Variants in NFIA observed in about 807,000 individuals in gnomAD.
NFIA encodes nuclear factor I A, also known as nuclear factor 1 A-type.
A neutral mutation model predicts 62.8 loss-of-function variants in NFIA; 8 were observed. That is an observed-to-expected ratio of 0.13 (90% CI 0.07 to 0.23). NFIA has a LOEUF of 0.23. Ranked by LOEUF, NFIA falls within the 10% of genes least tolerant of loss-of-function variation. NFIA has a pLI of 1.00. For synonymous variants in NFIA, 235 were observed against 238.1 expected, an observed-to-expected ratio of 0.99 and a Z score of 0.12; for missense variants, 410 against 642.1, an observed-to-expected ratio of 0.64 and a Z score of 3.91.
At chr1:61,221,154 A>C (rs1653991341) in intron 2 of NFIA, among the ~76,000 whole-genome samples, 1 of 152,198 alleles carries the variant, frequency 6.6e-6, no homozygotes, top group South Asian at 2.1e-4. Flanking sequence ...CTTCATTTAT[A>C]ATGTTGTGTT....
At chr1:61,220,162 C>G (rs1033584231) in intron 2 of NFIA, among the ~76,000 whole-genome samples, 4 of 152,112 alleles carry the variant, frequency 2.6e-5, no homozygotes, top group Non-Finnish European at 4.4e-5. Flanking sequence ...CTAGAAACCC[C>G]ACAATATTAG....
In NFIA at chr1:61,088,287, G is replaced by A. The variant is rs776408635; in HGVS notation, c.166G>A (p.Val56Met). The A allele has an allele frequency of 3.7e-6, 6 of 1,613,476 alleles. No homozygotes were observed. The highest frequency in any genetic ancestry group is 3.3e-5 in the Admixed American group (2 of 59,924). ...KRMSKEEERA[V>M]KDELLSEKPE... ...TATGTCAAAAGAAGAAGAGAGAGCCGTGAAGGATGAATTGCTAAGTGAAAA... is the reference window on the plus strand; with the variant it reads ...TATGTCAAAAGAAGAAGAGAGAGCCATGAAGGATGAATTGCTAAGTGAAAA... Residue 56 changes from valine to methionine, a missense_variant, in exon 2 of 11, where the codon GTG becomes ATG. Physicochemically the swap from Val to Met is conservative, Grantham distance 21 (BLOSUM62 1). Coordinates refer to ENST00000403491, the MANE Select transcript of NFIA (RefSeq NM_001134673.4). This position sits in a 1 kb window ranked among gnomAD's most constrained non-coding sequence, Gnocchi z 4.5.
intron 2 of NFIA, among the ~76,000 whole-genome samples, chr1:61,267,690 A>C (rs565478177): frequency 6.6e-6 from 1 of 152,202 alleles, no homozygotes; most frequent in Non-Finnish European, 1.5e-5. Context: ...TTCCAAGGGT[A>C]CATTTAGTGG....
rs566335411 is a variant in NFIA, at chr1:61,088,133, T to G, written c.28-16T>G. The stretch of plus-strand genomic sequence containing the variant: ...TTTCATTCTACTTATATTTTTCTTT[T>G]TGTTCATTTTCCTAGGATGAATTTC... On this transcript the variant is annotated splice_polypyrimidine_tract_variant and intron_variant, in intron 1 of 10. Coordinates refer to ENST00000403491, the MANE Select transcript of NFIA (RefSeq NM_001134673.4). This position sits in a 1 kb window ranked among gnomAD's most constrained non-coding sequence, Gnocchi z 4.5. 2.6e-6 allele frequency: 4 copies of G among 1,567,156 alleles called. No individual in the cohort carries two copies. In the South Asian group the frequency reaches 4.8e-5, roughly 19 times the overall value.
chr1:61,409,263 A>G (rs1195482390), intron 9 of NFIA, among the ~76,000 whole-genome samples: 1 of 152,220 alleles, frequency 6.6e-6, no homozygotes, highest in Admixed American at 6.5e-5. Flanking sequence ...TAGACAAAAC[A>G]AAATGTTCTA....
At chr1:61,268,577 A>G (rs12074126) in intron 2 of NFIA, among the ~76,000 whole-genome samples, 6 of 152,118 alleles carry the variant, frequency 3.9e-5, no homozygotes, top group African/African-American at 1.4e-4. Context: ...GACAGTTGTC[A>G]TTATCTTTGT....
intron 10 of NFIA, among the ~76,000 whole-genome samples, chr1:61,447,986 C>G (rs1207431954): frequency 6.6e-6 from 1 of 152,126 alleles, no homozygotes; most frequent in Non-Finnish European, 1.5e-5. Flanking sequence ...GTTAACACAC[C>G]CTAAGCTGCT....
chr1:61,093,714 G>A (rs2100423379), intron 2 of NFIA, among the ~76,000 whole-genome samples: 1 of 152,304 alleles, frequency 6.6e-6, no homozygotes, highest in Admixed American at 6.5e-5. Flanking sequence ...CAGGAATAGG[G>A]AGAAATAGTT....
intron 3 of NFIA, among the ~76,000 whole-genome samples, chr1:61,305,041 AAC>A (rs1224505023): frequency 6.6e-6 from 1 of 152,220 alleles, no homozygotes; most frequent in Non-Finnish European, 1.5e-5. Context: ...ACTGGTCCCT[AAC>A]CAAAATTCTT....
At chr1:61,097,166 T>C (rs928020870) in intron 2 of NFIA, among the ~76,000 whole-genome samples, 9 of 152,154 alleles carry the variant, frequency 5.9e-5, no homozygotes, top group African/African-American at 2.2e-4. Flanking sequence ...GTTAAAAAAA[T>C]AGTACTCATA....
chr1:61,319,389 A>G (rs553244420), intron 3 of NFIA, among the ~76,000 whole-genome samples: 1 of 152,274 alleles, frequency 6.6e-6, no homozygotes, highest in South Asian at 2.1e-4. Flanking sequence ...TTAAGAATAG[A>G]TGTTTCATTT....
At position 61,458,211 on chromosome 1, in the gene NFIA, G is replaced by GAAAAAAAA. The variant is rs60042926; in HGVS notation, c.*2895_*2902dup. 1 of 134,504 alleles carries GAAAAAAAA rather than the reference G, an allele frequency of 7.4e-6. No individual in the cohort carries two copies. 8.3% of individuals were successfully genotyped at this position (134,504 alleles called of 1,614,324 possible). A position where few individuals can be genotyped will look rare whatever the true frequency, so the allele number is the denominator to read the frequency against. On this transcript the variant is annotated 3_prime_UTR_variant, in exon 11 of 11. Coordinates refer to ENST00000403491, the MANE Select transcript of NFIA (RefSeq NM_001134673.4). The stretch of plus-strand genomic sequence containing the variant: ...TAAAAAATGAAAAAAAGGAAAAAAA[G>GAAAAAAAA]AAAAAAAAAAAGAAAAAATAGCAGC...
Position 61,426,547 on chromosome 1 carries a change from A to G in NFIA, c.1503A>G (p.Gln501=), listed in dbSNP as rs1207040651. Residue 501 remains glutamine (Q), a synonymous_variant, in exon 10 of 11, where the codon CAA becomes CAG. Transcript: ENST00000403491. ...ATCCAAGCTTTGTAAATATCCCTCA[A>G]CAGACACAGGTGGGCCGCTCTCATC... ...PRDPSFVNIP[Q]QTQSWYLG The G allele has an allele frequency of 1.9e-6, 3 of 1,550,754 alleles. No homozygotes were observed. The highest frequency in any genetic ancestry group is 1.4e-5 in the African/African-American group (1 of 72,906).
At chr1:61,432,271 C>T (rs1431888787) in intron 10 of NFIA, among the ~76,000 whole-genome samples, 2 of 150,872 alleles carry the variant, frequency 1.3e-5, no homozygotes, top group African/African-American at 4.9e-5. Context: ...CTAACCCATC[C>T]CAATAAGAGA....
At chr1:61,334,962 C>T (rs1661522903) in intron 4 of NFIA, among the ~76,000 whole-genome samples, 1 of 152,112 alleles carries the variant, frequency 6.6e-6, no homozygotes, top group African/African-American at 2.4e-5. Context: ...AGCTTGGCTG[C>T]CAAATGAATT....
In NFIA at chr1:61,277,505, T is replaced by C. The variant is rs1336273833; in HGVS notation, c.560-15T>C. 1 of 1,613,504 alleles carries C rather than the reference T, an allele frequency of 6.2e-7. No homozygotes were observed. Among genetic ancestry groups the C allele is most frequent in the African/African-American group, 1.3e-5 (1 of 74,898 alleles). Reference sequence around the variant, plus strand: ...CAGACCCTGTAATTTTTGGCTGTATTTTTATGTTTTTCAGATTCAAGTCAA... The same window carrying C: ...CAGACCCTGTAATTTTTGGCTGTATCTTTATGTTTTTCAGATTCAAGTCAA... On this transcript the variant is annotated splice_polypyrimidine_tract_variant and intron_variant, in intron 2 of 10. Coordinates refer to ENST00000403491, the MANE Select transcript of NFIA (RefSeq NM_001134673.4).
At chr1:61,322,252 G>T (rs1660713771) in intron 3 of NFIA, among the ~76,000 whole-genome samples, 1 of 152,162 alleles carries the variant, frequency 6.6e-6, no homozygotes, top group South Asian at 2.1e-4. Context: ...GATTCAAAAG[G>T]GATAAGTTAG....
chr1:61,379,344 T>C (rs1569683766), intron 6 of NFIA, among the ~76,000 whole-genome samples: 1 of 152,006 alleles, frequency 6.6e-6, no homozygotes, highest in East Asian at 1.9e-4. Flanking sequence ...TGCCTCAGCC[T>C]TCTGAGTAGC....
intron 2 of NFIA, among the ~76,000 whole-genome samples, chr1:61,149,188 A>G (rs1037896831): frequency 1.3e-5 from 2 of 150,910 alleles, no homozygotes; most frequent in Non-Finnish European, 3.0e-5. Flanking sequence ...TAGCAACCAC[A>G]CCCAGCCTGA....
Sources: gnomAD v4.1 joint callset for allele counts (sites outside exome capture counted in the v4.1 genomes callset) on GRCh38, gnomAD v4.1.1 for gene constraint, Gnocchi (gnomAD v3.1) non-coding constraint, MANE v1.5 for transcripts, NCBI Gene and HGNC (gene_info 2026-07-23, HGNC 2026-07-21) for gene names.